Variants in SPATA33 observed in about 807,000 individuals in gnomAD.
The protein encoded by SPATA33 is spermatogenesis-associated protein 33.
A neutral mutation model predicts 8.9 loss-of-function variants in SPATA33; 10 were observed. The ratio of observed to expected loss-of-function variants is 1.12; its 90% CI spans 0.69 to 1.90. SPATA33 has a LOEUF of 1.90. Among genes scored for constraint, SPATA33 ranks in the 40% most tolerant of loss-of-function variants. The pLI, the probability that SPATA33 is intolerant of heterozygous loss-of-function variation, is 0.00. For synonymous variants in SPATA33, 96 were observed against 72.8 expected (o/e 1.32, Z -1.63); for missense variants, 241 against 178.3 (o/e 1.35, Z -2.00).
intron 1 of SPATA33, 118 bp from the exon 2 acceptor site, chr16:89,658,130 G>T: frequency 7.2e-6 from 11 of 1,528,274 alleles, no homozygotes; most frequent in Non-Finnish European, 9.6e-6. Flanking sequence ...ACGGAAACGC[G>T]GAGACTCGAG....
At chr16:89,660,363 C>T (rs1455917903) in intron 2 of SPATA33, 6 of 756,938 alleles carry the variant, frequency 7.9e-6, no homozygotes, top group Non-Finnish European at 1.1e-5. Context: ...TGGGAGTGGG[C>T]AGGACCTCTG....
rs2060077116 is a variant in SPATA33, at chr16:89,669,810, C to A, written c.*313C>A. On this transcript the variant is annotated 3_prime_UTR_variant, in exon 3 of 3. Transcript: ENST00000579310. ...TCTCGGGGAGGGTGCACCAGGCCCA[C>A]CCCACCCTGTGAGAACCTGCAGCCC... 3 of 399,604 alleles carry A rather than the reference C, an allele frequency of 7.5e-6. No homozygotes were observed. The highest frequency in any genetic ancestry group is 2.7e-5 in the South Asian group (1 of 37,550). 24.8% of individuals were successfully genotyped at this position (399,604 alleles called of 1,614,324 possible).
chr16:89,664,152 G>T (rs572005660), intron 2 of SPATA33, among the ~76,000 whole-genome samples: 1 of 152,260 alleles, frequency 6.6e-6, no homozygotes, highest in East Asian at 1.9e-4. Context: ...TACACATATT[G>T]AAGAATTTGA....
chr16:89,658,594 C>T (rs62067101), intron 2 of SPATA33, 173 bp downstream of exon 2: 17,579 of 839,524 alleles, frequency 0.021, 242 homozygotes, highest in Non-Finnish European at 0.025. Flanking sequence ...ATCCAGAAAT[C>T]TTAGTTGAAA....
chr16:89,658,864 C>T (rs1047539833), intron 2 of SPATA33: 3 of 178,854 alleles, frequency 1.7e-5, no homozygotes, highest in Non-Finnish European at 2.4e-5. Context: ...CTGGGTGCGA[C>T]AAAGGTGTCT....
chr16:89,661,167 G>A (rs1402987287), intron 2 of SPATA33: 1 of 985,358 alleles, frequency 1.0e-6, no homozygotes, highest in Non-Finnish European at 1.2e-6. Context: ...TGGGGAGAAA[G>A]TTTGGCCATA....
In SPATA33 at chr16:89,658,057, C is replaced by T. The variant is rs780840564; in HGVS notation, c.37+109C>T. On this transcript the variant is annotated intron_variant, in intron 1 of 2. Coordinates refer to ENST00000579310, the MANE Select transcript of SPATA33 (RefSeq NM_001271907.2). ...GTGAGCGCAGGCGCCAGGCTCGGCC[C>T]GGTGCGAACCGTTCCTGCCGCCGAG... 3.5e-5 allele frequency: 51 copies of T among 1,455,888 alleles called. 1 individual carries two copies. The highest frequency in any genetic ancestry group is 5.1e-4 in the Middle Eastern group (2 of 3,936). 90.2% of individuals were successfully genotyped at this position (1,455,888 alleles called of 1,614,324 possible).
chr16:89,669,229 C>T, intron 2 of SPATA33, 57 bp from the exon 3 acceptor site: 1 of 1,485,542 alleles, frequency 6.7e-7, no homozygotes, highest in Non-Finnish European at 9.4e-7. Flanking sequence ...GAGGTGTGTG[C>T]ATCGTGGAAG....
intron 2 of SPATA33, chr16:89,660,474 ACAG>A (rs2059952440): frequency 8.1e-7 from 1 of 1,231,944 alleles, no homozygotes; most frequent in Non-Finnish European, 1.0e-6. Context: ...TGAAGGGAAA[ACAG>A]CAGAGCAAGA....
chr16:89,669,780 A>G lies in SPATA33; in HGVS notation c.*283A>G. Reference sequence around the variant, plus strand: ...GTGAGAAACTGCAGTCCCCTTCTCCAGTGCTCTCGGGGAGGGTGCACCAGG... The same window carrying G: ...GTGAGAAACTGCAGTCCCCTTCTCCGGTGCTCTCGGGGAGGGTGCACCAGG... On this transcript the variant is annotated 3_prime_UTR_variant, in exon 3 of 3. Transcript: ENST00000579310. 3 of 457,590 alleles carry G rather than the reference A, an allele frequency of 6.6e-6. No homozygotes were observed. In the South Asian group the frequency reaches 7.0e-5, roughly 11 times the overall value. 28.3% of individuals were successfully genotyped at this position (457,590 alleles called of 1,614,324 possible). A position where few individuals can be genotyped will look rare whatever the true frequency, so the allele number is the denominator to read the frequency against.
chr16:89,663,072 G>C (rs1241701630), intron 2 of SPATA33, among the ~76,000 whole-genome samples: 1 of 152,044 alleles, frequency 6.6e-6, no homozygotes, highest in Non-Finnish European at 1.5e-5. Context: ...TGTTACAGGT[G>C]TGAGCCACCA....
intron 2 of SPATA33, among the ~76,000 whole-genome samples, chr16:89,665,309 C>A (rs1343481202): frequency 7.7e-6 from 1 of 129,968 alleles, no homozygotes; most frequent in Non-Finnish European, 1.7e-5. Flanking sequence ...ATTAATATTT[C>A]TTTTTTTTTT....
intron 2 of SPATA33, among the ~76,000 whole-genome samples, chr16:89,662,665 G>A (rs1317513628): frequency 4.6e-5 from 7 of 152,204 alleles, no homozygotes; most frequent in African/African-American, 7.2e-5. Context: ...GGCTTCAGCT[G>A]ATCCACCCGC....
intron 2 of SPATA33, among the ~76,000 whole-genome samples, chr16:89,668,519 C>G (rs1270797844): frequency 6.6e-6 from 1 of 152,216 alleles, no homozygotes; most frequent in Admixed American, 6.5e-5. Flanking sequence ...CCATCCTGCT[C>G]TCCCAGAAGC....
At chr16:89,663,663 C>T (rs1291681125) in intron 2 of SPATA33, among the ~76,000 whole-genome samples, 1 of 151,738 alleles carries the variant, frequency 6.6e-6, no homozygotes, top group Non-Finnish European at 1.5e-5. Context: ...AAGGGCAGGG[C>T]TTTGGGGTTG....
Position 89,669,472 on chromosome 16 carries a change from C to G in SPATA33, c.398C>G (p.Ala133Gly), listed in dbSNP as rs1311485635. The G allele has an allele frequency of 3.1e-6, 5 of 1,613,040 alleles. No individual in the cohort carries two copies. The highest frequency in any genetic ancestry group is 1.3e-5 in the African/African-American group (1 of 74,866). ...RRHRNPSTAD[A>G]YNSHLKE ...CACAGGAACCCCAGTACAGCAGACG[C>G]CTATAATTCACATCTCAAAGAATAA... The change falls in exon 3 of 3, where the codon GCC becomes GGC. Residue 133 changes from alanine (A) to glycine (G), a missense_variant. Physicochemically the swap from Ala to Gly is moderately conservative, Grantham distance 60. Coordinates refer to ENST00000579310, the MANE Select transcript of SPATA33 (RefSeq NM_001271907.2).
chr16:89,668,823 C>G (rs1229820491), intron 2 of SPATA33, among the ~76,000 whole-genome samples: 1 of 152,220 alleles, frequency 6.6e-6, no homozygotes, highest in Non-Finnish European at 1.5e-5. Flanking sequence ...TTCCTTGTAA[C>G]CTTAACAGGT....
chr16:89,668,247 G>C (rs1395858828), intron 2 of SPATA33, among the ~76,000 whole-genome samples: 2 of 151,836 alleles, frequency 1.3e-5, no homozygotes. Flanking sequence ...AGGAGGTGGA[G>C]GTTGCAGTGA....
In SPATA33 at chr16:89,669,387, A is replaced by G. The variant is rs2060068134; in HGVS notation, c.313A>G (p.Ser105Gly). 1 of 1,614,240 alleles carries G rather than the reference A, an allele frequency of 6.2e-7. No individual in the cohort carries two copies. Among genetic ancestry groups the G allele is most frequent in the Non-Finnish European group, 8.5e-7 (1 of 1,180,048 alleles). ...TGAGACGCTAGTCAGTTGCAGTTCC[A>G]GCGGGAGTGACCAGCAGAGAACCAT... ...SNETLVSCSS[S>G]GSDQQRTIRE... Residue 105 changes from serine to glycine, a missense_variant, in exon 3 of 3, where the codon AGC (serine) becomes GGC (glycine). Physicochemically the swap from Ser to Gly is moderately conservative, Grantham distance 56. Coordinates refer to ENST00000579310, the MANE Select transcript of SPATA33 (RefSeq NM_001271907.2).
Sources: allele counts gnomAD v4.1 joint callset (sites outside exome capture counted in the v4.1 genomes callset), GRCh38; gene constraint gnomAD v4.1.1; transcripts MANE v1.5; gene names NCBI Gene and HGNC (gene_info 2026-07-23, HGNC 2026-07-21).